FAM171A1: variants seen among roughly 807,000 people sequenced by gnomAD.
The protein encoded by FAM171A1 is protein FAM171A1.
In FAM171A1, 23 loss-of-function variants were observed where a neutral mutation model predicts 74.9. The observed-to-expected ratio is 0.31, with a 90% CI of 0.22 to 0.44. The LOEUF (loss-of-function observed/expected upper bound fraction) is 0.44, where lower values mean the gene tolerates loss of function less well. FAM171A1 is among the 20% of genes least tolerant of loss of function. The pLI is 1.00. For synonymous variants in FAM171A1, 527 were observed against 505.7 expected (o/e 1.04, Z -0.57); for missense variants, 1,162 against 1,159.2 (o/e 1.00, Z -0.03).
At chr10:15,242,806 C>A (rs4256884) in intron 5 of FAM171A1, among the ~76,000 whole-genome samples, 1 of 151,858 alleles carries the variant, frequency 6.6e-6, no homozygotes, top group Non-Finnish European at 1.5e-5. Context: ...AAAAAGGAAG[C>A]GGAAATAGGT....
chr10:15,338,782 C>T (rs1835731562), intron 1 of FAM171A1, among the ~76,000 whole-genome samples: 1 of 152,154 alleles, frequency 6.6e-6, no homozygotes, highest in East Asian at 1.9e-4. Context: ...TCTCTGTCAC[C>T]CAGGCTGGAA....
chr10:15,361,799 C>T (rs1835998297), intron 1 of FAM171A1, among the ~76,000 whole-genome samples: 1 of 152,176 alleles, frequency 6.6e-6, no homozygotes, highest in African/African-American at 2.4e-5. Flanking sequence ...AACTCTTTCT[C>T]CCAATACAAA....
intron 1 of FAM171A1, among the ~76,000 whole-genome samples, chr10:15,363,591 C>A (rs528058663): frequency 6.6e-6 from 1 of 152,186 alleles, no homozygotes. Context: ...AGCTTCTCTG[C>A]AGCTTTAAGT....
intron 1 of FAM171A1, among the ~76,000 whole-genome samples, chr10:15,285,616 C>A (rs1835026211): frequency 6.6e-6 from 1 of 152,106 alleles, no homozygotes; most frequent in African/African-American, 2.4e-5. Flanking sequence ...CCCAGAAACC[C>A]TATTTTCTTA....
chr10:15,314,250 A>G (rs578177453), intron 1 of FAM171A1, among the ~76,000 whole-genome samples: 9 of 152,248 alleles, frequency 5.9e-5, no homozygotes, highest in African/African-American at 2.2e-4. Context: ...TGAGATCTTA[A>G]CATTCCTAGC....
intron 3 of FAM171A1, among the ~76,000 whole-genome samples, chr10:15,256,056 T>C (rs539795770): frequency 1.3e-5 from 2 of 152,276 alleles, no homozygotes; most frequent in South Asian, 2.1e-4. Context: ...GGCAAAAGCA[T>C]TGTTAAGAGA....
chr10:15,220,179 T>G (rs1032320598), intron 6 of FAM171A1, among the ~76,000 whole-genome samples: 1 of 152,210 alleles, frequency 6.6e-6, no homozygotes, highest in African/African-American at 2.4e-5. Flanking sequence ...CTTTTAGATG[T>G]CTTTAAAAAG....
At chr10:15,339,871 G>T (rs1033024479) in intron 1 of FAM171A1, among the ~76,000 whole-genome samples, 1 of 152,172 alleles carries the variant, frequency 6.6e-6, no homozygotes, top group African/African-American at 2.4e-5. Context: ...CATAGCAGAA[G>T]ATGAAAGTCA....
intron 1 of FAM171A1, among the ~76,000 whole-genome samples, chr10:15,339,975 T>A (rs540375376): frequency 7.9e-5 from 12 of 152,248 alleles, no homozygotes; most frequent in African/African-American, 2.9e-4. Context: ...TTATGCACTA[T>A]CATGAGAACA....
chr10:15,223,440 C>T (rs1834065262), intron 5 of FAM171A1, among the ~76,000 whole-genome samples: 1 of 152,220 alleles, frequency 6.6e-6, no homozygotes, highest in Admixed American at 6.5e-5. Context: ...GCTTGTCAAA[C>T]AGCAGATTCT....
chr10:15,338,666 CA>C (rs1306471797), intron 1 of FAM171A1, among the ~76,000 whole-genome samples: 1 of 152,180 alleles, frequency 6.6e-6, no homozygotes, highest in Non-Finnish European at 1.5e-5. Flanking sequence ...AAAACCTCTT[CA>C]TTTCCACCCC....
chr10:15,233,461 C>G (rs1834235304), intron 5 of FAM171A1, among the ~76,000 whole-genome samples: 2 of 151,502 alleles, frequency 1.3e-5, no homozygotes, highest in South Asian at 4.2e-4. Flanking sequence ...CAGGGACAAG[C>G]CAGACACTTC....
At chr10:15,264,694 G>A (rs1341031649) in intron 3 of FAM171A1, among the ~76,000 whole-genome samples, 1 of 151,900 alleles carries the variant, frequency 6.6e-6, no homozygotes, top group East Asian at 1.9e-4. Flanking sequence ...AAGGTGGGAG[G>A]ATCACTTGAG....
chr10:15,327,122 G>A (rs1250474898), intron 1 of FAM171A1, among the ~76,000 whole-genome samples: 1 of 152,108 alleles, frequency 6.6e-6, no homozygotes, highest in Non-Finnish European at 1.5e-5. Flanking sequence ...AAATCCCTAG[G>A]AGGCATGATA....
At position 15,213,731 on chromosome 10, in the gene FAM171A1, G is replaced by A; in HGVS notation, c.1857C>T (p.Ser619=). ...LEIERLQAEL[S]NPHAGIFPHP... Reference sequence around the variant, plus strand: ...GTGGGAAGATCCCGGCATGGGGATTGGACAGCTCAGCCTGTAGTCTTTCTA... The same window carrying A: ...GTGGGAAGATCCCGGCATGGGGATTAGACAGCTCAGCCTGTAGTCTTTCTA... The change falls in exon 8 of 8, where the codon TCC becomes TCT. Residue 619 remains serine (S), a synonymous_variant. Transcript: ENST00000378116. The surrounding 1 kb of genome is among the most constrained non-coding windows in gnomAD (Gnocchi z 6.8). 6.2e-7 allele frequency: 1 copy of A among 1,613,406 alleles called. No individual in the cohort carries two copies. Among genetic ancestry groups the A allele is most frequent in the Non-Finnish European group, 8.5e-7 (1 of 1,179,518 alleles).
chr10:15,279,100 G>C (rs1834933123), intron 2 of FAM171A1, among the ~76,000 whole-genome samples: 1 of 152,142 alleles, frequency 6.6e-6, no homozygotes, highest in African/African-American at 2.4e-5. Flanking sequence ...CCACCTCTGA[G>C]CTGACCGGTT....
intron 5 of FAM171A1, among the ~76,000 whole-genome samples, chr10:15,247,945 A>G (rs1588510629): frequency 6.6e-6 from 1 of 152,208 alleles, no homozygotes; most frequent in East Asian, 1.9e-4. Context: ...CATTAGCCCC[A>G]GCTGAACACT....
At chr10:15,264,621 C>CAA (rs138066525) in intron 3 of FAM171A1, among the ~76,000 whole-genome samples, 21 of 138,622 alleles carry the variant, frequency 1.5e-4, no homozygotes, top group East Asian at 4.2e-4. Context: ...CCTGTTTCTA[C>CAA]AAAAAAAAAA....
intron 1 of FAM171A1, among the ~76,000 whole-genome samples, chr10:15,317,277 C>T (rs1443510534): frequency 6.6e-6 from 1 of 152,148 alleles, no homozygotes; most frequent in Non-Finnish European, 1.5e-5. Flanking sequence ...TTGAATGCCA[C>T]AGATAAGGGC....
Sources: allele counts gnomAD v4.1 joint callset (sites outside exome capture counted in the v4.1 genomes callset), GRCh38; gene constraint gnomAD v4.1.1; non-coding constraint Gnocchi (gnomAD v3.1); transcripts MANE v1.5; gene names NCBI Gene and HGNC (gene_info 2026-07-23, HGNC 2026-07-21).